DGKI: variants seen among roughly 807,000 people sequenced by gnomAD.
The protein encoded by DGKI is DAG kinase iota.
DGKI carries 55 observed loss-of-function variants against 147.5 expected under a neutral mutation model. The observed-to-expected ratio is 0.37, with a 90% CI of 0.30 to 0.47. The LOEUF (loss-of-function observed/expected upper bound fraction) is 0.47, where lower values mean the gene tolerates loss of function less well. Ranked by LOEUF, DGKI falls within the 20% of genes least tolerant of loss-of-function variation. The probability of loss-of-function intolerance (pLI) is 1.00; values close to 1 mark genes in which losing one functional copy is unlikely to be tolerated. For synonymous variants in DGKI, 469 were observed against 477.1 expected (o/e 0.98, Z 0.22); for missense variants, 1,007 against 1,323.8 (o/e 0.76, Z 3.71).
At chr7:137,517,117 C>T (rs918529140) in intron 21 of DGKI, among the ~76,000 whole-genome samples, 5 of 150,306 alleles carry the variant, frequency 3.3e-5, no homozygotes, top group Admixed American at 6.7e-5. Flanking sequence ...ATGAGTAAAA[C>T]AACAGACAAA....
rs58484819 is a variant in DGKI, at chr7:137,846,161, TCACACACACACACACACACA to T, written c.401+281_401+300del. Among the ~76,000 whole-genome samples, 2 of 108,182 alleles carry T rather than the reference TCACACACACACACACACACA, an allele frequency of 1.8e-5. No individual in the cohort carries two copies. Among genetic ancestry groups the T allele is most frequent in the African/African-American group, 3.9e-5 (1 of 25,930 alleles). The allele number at this position is 108,182 out of a possible 152,430, so 71.0% of individuals were successfully genotyped here. On this transcript the variant is annotated intron_variant, in intron 1 of 32. Transcript: ENST00000614521. The surrounding 1 kb of genome is among the most constrained non-coding windows in gnomAD (Gnocchi z 4.0). Reference sequence around the variant, plus strand: ...CTCTCTCTCTCTCTCTCTCTCTCTCTCACACACACACACACACACACACACACACACACACACACACAGAC... The same window carrying T: ...CTCTCTCTCTCTCTCTCTCTCTCTCTCACACACACACACACACACACAGAC...
chr7:137,707,858 G>T (rs1163111588), intron 1 of DGKI, among the ~76,000 whole-genome samples: 1 of 152,176 alleles, frequency 6.6e-6, no homozygotes, highest in Non-Finnish European at 1.5e-5. Flanking sequence ...GATCTTGTTA[G>T]ATCTTCCAGT....
intron 21 of DGKI, among the ~76,000 whole-genome samples, chr7:137,496,129 T>C (rs919829379): frequency 1.8e-4 from 28 of 152,008 alleles, no homozygotes; most frequent in African/African-American, 6.5e-4. Context: ...ACAAAATAAA[T>C]GTACAAAAAA....
chr7:137,500,582 TATAAAACATAGATTTCACC>T (rs1199937067), intron 21 of DGKI, among the ~76,000 whole-genome samples: 1 of 152,144 alleles, frequency 6.6e-6, no homozygotes, highest in African/African-American at 2.4e-5. Flanking sequence ...AAATATAATT[TATAAAACATAGATTTCACC>T]ACAAATTGTA....
At chr7:137,763,851 A>G (rs183878466) in intron 1 of DGKI, among the ~76,000 whole-genome samples, 1 of 152,348 alleles carries the variant, frequency 6.6e-6, no homozygotes, top group African/African-American at 2.4e-5. Context: ...ACCTCCACAT[A>G]GAGCAATTTT....
intron 1 of DGKI, among the ~76,000 whole-genome samples, chr7:137,832,608 G>A (rs28892326): frequency 2.0e-5 from 3 of 152,112 alleles, no homozygotes; most frequent in South Asian, 4.1e-4. Flanking sequence ...CTCCTAGGCC[G>A]CTGGGCCTGT....
intron 29 of DGKI, among the ~76,000 whole-genome samples, chr7:137,411,910 G>A (rs1170841145): frequency 6.6e-6 from 1 of 152,146 alleles, no homozygotes; most frequent in Non-Finnish European, 1.5e-5. Flanking sequence ...TTCTTCAAAT[G>A]TCAGCTTCTA....
At chr7:137,470,197 G>C (rs28573283) in intron 23 of DGKI, among the ~76,000 whole-genome samples, 14,533 of 152,198 alleles carry the variant, frequency 0.095, 734 homozygotes, top group African/African-American at 0.12. Context: ...AGTAGTGCCA[G>C]GTTAACTCAT....
At chr7:137,715,573 T>C (rs772775551) in intron 1 of DGKI, among the ~76,000 whole-genome samples, 6 of 152,182 alleles carry the variant, frequency 3.9e-5, no homozygotes, top group South Asian at 2.1e-4. Flanking sequence ...TGGAGTCTTG[T>C]AGAATCACTA....
chr7:137,638,999 T>C (rs1016061471), intron 6 of DGKI, among the ~76,000 whole-genome samples: 7 of 152,160 alleles, frequency 4.6e-5, no homozygotes, highest in Non-Finnish European at 4.4e-5. Flanking sequence ...TACACTGCTT[T>C]ACATATATGA....
intron 1 of DGKI, among the ~76,000 whole-genome samples, chr7:137,765,338 A>AAT (rs1360510470): frequency 6.6e-6 from 1 of 152,118 alleles, no homozygotes; most frequent in East Asian, 1.9e-4. Flanking sequence ...ATCCCTTTGA[A>AAT]ATGTCATTGT....
intron 11 of DGKI, 127 bp from the exon 12 acceptor site, chr7:137,598,034 G>A (rs1819858627): frequency 4.0e-6 from 3 of 755,802 alleles, no homozygotes; most frequent in Non-Finnish European, 6.7e-6. Flanking sequence ...TCATGAGGAT[G>A]ACAATGCTAT....
chr7:137,627,568 C>T (rs1392804127), intron 6 of DGKI, among the ~76,000 whole-genome samples: 1 of 152,216 alleles, frequency 6.6e-6, no homozygotes, highest in African/African-American at 2.4e-5. Flanking sequence ...CTAACCCCTA[C>T]AGCCACTGCA....
At chr7:137,696,667 T>C (rs1355638993) in intron 1 of DGKI, among the ~76,000 whole-genome samples, 1 of 152,106 alleles carries the variant, frequency 6.6e-6, no homozygotes, top group Non-Finnish European at 1.5e-5. Context: ...CCAGAGTTAA[T>C]GACATTCTTC....
chr7:137,568,262 C>T (rs892721057), intron 19 of DGKI, among the ~76,000 whole-genome samples: 6 of 152,210 alleles, frequency 3.9e-5, no homozygotes, highest in Non-Finnish European at 8.8e-5. Flanking sequence ...ACAATTCCTC[C>T]TACTTCCAAA....
Position 137,691,810 on chromosome 7 carries a change from T to G in DGKI, c.402-1808A>C, listed in dbSNP as rs922373114. Among the ~76,000 whole-genome samples, 168 of 137,214 alleles carry G rather than the reference T, an allele frequency of 1.2e-3. 1 individual carries two copies. The highest frequency in any genetic ancestry group is 4.9e-3 in the African/African-American group (154 of 31,438). The allele number at this position is 137,214 out of a possible 152,430, so 90.0% of individuals were successfully genotyped here. A position where few individuals can be genotyped will look rare whatever the true frequency, so the allele number is the denominator to read the frequency against. The stretch of plus-strand genomic sequence containing the variant: ...TCTAGACCTTTGGGTTTTTTTTTTT[T>G]TTTTTTTTTTTAAGCCTCTTGTATT... On this transcript the variant is annotated intron_variant, in intron 1 of 32. Coordinates refer to ENST00000614521, the MANE Select transcript of DGKI (RefSeq NM_001321708.2).
chr7:137,846,161 T>TCTCTCTCTCTCTCACACACACA lies in DGKI; in HGVS notation c.401+300_401+301insTGTGTGTGTGAGAGAGAGAGAG. Among the ~76,000 whole-genome samples the TCTCTCTCTCTCTCACACACACA allele has an allele frequency of 9.2e-6, 1 of 108,220 alleles. No individual in the cohort carries two copies. Among genetic ancestry groups the TCTCTCTCTCTCTCACACACACA allele is most frequent in the South Asian group, 3.3e-4 (1 of 3,064 alleles). The allele number at this position is 108,220 out of a possible 152,430, so 71.0% of individuals were successfully genotyped here. ...CTCTCTCTCTCTCTCTCTCTCTCTC[T>TCTCTCTCTCTCTCACACACACA]CACACACACACACACACACACACAC... On this transcript the variant is annotated intron_variant, in intron 1 of 32. Coordinates refer to ENST00000614521, the MANE Select transcript of DGKI (RefSeq NM_001321708.2). This position sits in a 1 kb window ranked among gnomAD's most constrained non-coding sequence, Gnocchi z 4.0.
intron 20 of DGKI, among the ~76,000 whole-genome samples, chr7:137,524,561 T>A (rs2128954045): frequency 6.6e-6 from 1 of 152,232 alleles, no homozygotes; most frequent in South Asian, 2.1e-4. Flanking sequence ...TAGATTTTTA[T>A]CCCCAAATTA....
At chr7:137,735,222 T>TAG (rs566047603) in intron 1 of DGKI, among the ~76,000 whole-genome samples, 209 of 152,276 alleles carry the variant, frequency 1.4e-3, no homozygotes, top group Non-Finnish European at 5.9e-4. Context: ...TTAGGGCTTC[T>TAG]ACCTATATGT....
Sources: gnomAD v4.1 joint callset for allele counts (sites outside exome capture counted in the v4.1 genomes callset) on GRCh38, gnomAD v4.1.1 for gene constraint, Gnocchi (gnomAD v3.1) non-coding constraint, MANE v1.5 for transcripts, NCBI Gene and HGNC (gene_info 2026-07-23, HGNC 2026-07-21) for gene names.